The following NCAM1 variants were observed in gnomAD, a reference collection of about 807,000 sequenced individuals.
NCAM1 encodes the protein neural cell adhesion molecule 1.
Under a neutral mutation model 109.8 loss-of-function variants are expected in NCAM1, and 14 were observed. That is an observed-to-expected ratio of 0.13 (90% CI 0.08 to 0.20). The LOEUF (loss-of-function observed/expected upper bound fraction) is 0.20. Among genes scored for constraint, NCAM1 ranks in the 10% least tolerant of loss-of-function variants. The pLI is 1.00. For synonymous variants in NCAM1, 418 were observed against 442.9 expected (o/e 0.94, Z 0.70); for missense variants, 774 against 1,109.9 (o/e 0.70, Z 4.30).
At chr11:112,961,910 T>G (rs1360077986) in intron 1 of NCAM1, among the ~76,000 whole-genome samples, 7 of 152,048 alleles carry the variant, frequency 4.6e-5, no homozygotes, top group Non-Finnish European at 1.0e-4. Context: ...GCGTCCGCCC[T>G]TCCCACTTTG....
In NCAM1 at chr11:113,099,684, T is replaced by G. The variant is rs575250217; in HGVS notation, c.53-102695T>G. Among the ~76,000 whole-genome samples, 12 of 152,278 alleles carry G rather than the reference T, an allele frequency of 7.9e-5. No homozygotes were observed. The South Asian group carries it at 2.5e-3, about 32-fold the overall frequency. On this transcript the variant is annotated intron_variant, in intron 1 of 19. Transcript: ENST00000316851. ...TTGCTTCAAGGGCTTTTTATGTATT[T>G]ATTTTTATTTATTATCATTTTTGAG...
chr11:113,183,521 C>T (rs1450411904), intron 1 of NCAM1, among the ~76,000 whole-genome samples: 5 of 152,180 alleles, frequency 3.3e-5, no homozygotes, highest in Non-Finnish European at 7.3e-5. Flanking sequence ...AACTACAAGG[C>T]ACTTTGAAAT....
intron 1 of NCAM1, among the ~76,000 whole-genome samples, chr11:113,046,848 GGACA>G (rs1386720710): frequency 5.3e-5 from 8 of 149,940 alleles, no homozygotes; most frequent in African/African-American, 2.0e-4. Flanking sequence ...GGACATAGAT[GGACA>G]GACAGAAGAA....
intron 1 of NCAM1, among the ~76,000 whole-genome samples, chr11:113,043,571 G>A (rs1347125008): frequency 1.3e-5 from 2 of 152,136 alleles, no homozygotes; most frequent in African/African-American, 4.8e-5. Flanking sequence ...TCCTGACCTA[G>A]GTGATCTGCC....
chr11:113,247,567 A>G (rs1945537128), intron 15 of NCAM1, among the ~76,000 whole-genome samples: 1 of 152,148 alleles, frequency 6.6e-6, no homozygotes, highest in Admixed American at 6.5e-5. Flanking sequence ...TGAGCCCCTC[A>G]GCTTTATAGG....
At chr11:112,982,370 A>C (rs1951176087) in intron 1 of NCAM1, among the ~76,000 whole-genome samples, 1 of 151,962 alleles carries the variant, frequency 6.6e-6, no homozygotes, top group South Asian at 2.1e-4. Context: ...CAGTGAGTAA[A>C]CAAGAACTGG....
intron 1 of NCAM1, among the ~76,000 whole-genome samples, chr11:113,148,176 A>C (rs1555101682): frequency 6.6e-6 from 1 of 152,152 alleles, no homozygotes; most frequent in East Asian, 1.9e-4. Context: ...AGCCCTGGTC[A>C]TCTGGACTGG....
chr11:113,231,100 T>C, intron 9 of NCAM1: 1 of 1,209,538 alleles, frequency 8.3e-7, no homozygotes, highest in Non-Finnish European at 1.2e-6. Flanking sequence ...TACATGTGAT[T>C]ATTTCACTTT....
At chr11:113,175,342 C>T (rs1565479959) in intron 1 of NCAM1, among the ~76,000 whole-genome samples, 1 of 152,208 alleles carries the variant, frequency 6.6e-6, no homozygotes, top group Non-Finnish European at 1.5e-5. Context: ...GAATGTGAAT[C>T]GTGCATTTTG....
intron 1 of NCAM1, among the ~76,000 whole-genome samples, chr11:112,977,001 G>A (rs900546623): frequency 5.3e-5 from 8 of 151,500 alleles, no homozygotes; most frequent in East Asian, 1.9e-4. Flanking sequence ...GAATTGTGTC[G>A]TGATACTTTG....
chr11:113,096,451 A>G (rs1469239683), intron 1 of NCAM1, among the ~76,000 whole-genome samples: 9 of 152,148 alleles, frequency 5.9e-5, no homozygotes, highest in African/African-American at 2.2e-4. Context: ...GTAAAGGTAT[A>G]CACAGGGTTG....
intron 1 of NCAM1, among the ~76,000 whole-genome samples, chr11:113,034,433 A>G (rs1419170130): frequency 6.6e-6 from 1 of 152,236 alleles, no homozygotes. Context: ...CCCTTTATTA[A>G]GAAAGGAAAC....
chr11:113,184,325 A>G (rs1256383916), intron 1 of NCAM1, among the ~76,000 whole-genome samples: 1 of 152,204 alleles, frequency 6.6e-6, no homozygotes, highest in East Asian at 1.9e-4. Context: ...GCACCTGTAG[A>G]GGTTTAAAAT....
At chr11:113,152,645 T>G (rs1942265034) in intron 1 of NCAM1, among the ~76,000 whole-genome samples, 1 of 152,238 alleles carries the variant, frequency 6.6e-6, no homozygotes, top group South Asian at 2.1e-4. Flanking sequence ...GGAGCATTTG[T>G]AACTGTTACT....
chr11:113,007,994 T>C (rs1400044524), intron 1 of NCAM1, among the ~76,000 whole-genome samples: 1 of 152,128 alleles, frequency 6.6e-6, no homozygotes, highest in African/African-American at 2.4e-5. Flanking sequence ...AGGTGGAAAA[T>C]AAAAAAATTT....
At position 113,001,376 on chromosome 11, in the gene NCAM1, G is replaced by T. The variant is rs1379724601; in HGVS notation, c.52+39712G>T. ...CCACTCAAATGATGTGGAATTGTGG[G>T]TGTAGAACTCAATCAAGTTTCTCTT... On this transcript the variant is annotated intron_variant, in intron 1 of 19. Transcript: ENST00000316851. 1.9e-4 allele frequency among the ~76,000 whole-genome samples: 29 copies of T among 152,172 alleles called. 1 individual carries two copies. Among genetic ancestry groups the T allele is most frequent in the Admixed American group, 1.7e-3 (26 of 15,278 alleles).
At chr11:113,221,414 A>AATT in intron 9 of NCAM1, 89 bp downstream of exon 9, 2 of 1,338,262 alleles carry the variant, frequency 1.5e-6, no homozygotes, top group Non-Finnish European at 2.1e-6. Flanking sequence ...AGACATGCTA[A>AATT]ACTAATTAGT....
chr11:113,011,891 G>A (rs140619473), intron 1 of NCAM1, among the ~76,000 whole-genome samples: 1 of 152,014 alleles, frequency 6.6e-6, no homozygotes, highest in Non-Finnish European at 1.5e-5. Flanking sequence ...TTCTGGATTG[G>A]AGACTGGTTT....
intron 1 of NCAM1, among the ~76,000 whole-genome samples, chr11:113,153,241 C>G (rs1222247102): frequency 6.6e-6 from 1 of 152,120 alleles, no homozygotes; most frequent in African/African-American, 2.4e-5. Flanking sequence ...TGAGTTTTCA[C>G]TATGTTGGCC....
Sources: gnomAD v4.1 joint callset for allele counts (sites outside exome capture counted in the v4.1 genomes callset) on GRCh38, gnomAD v4.1.1 for gene constraint, MANE v1.5 for transcripts, NCBI Gene and HGNC (gene_info 2026-07-23, HGNC 2026-07-21) for gene names.